The following MYCBP2 variants were observed in gnomAD, a reference collection of about 807,000 sequenced individuals.
MYCBP2 encodes MYC binding protein 2.
Under a neutral mutation model 525.3 loss-of-function variants are expected in MYCBP2, and 120 were observed. That is an observed-to-expected ratio of 0.23 (90% CI 0.20 to 0.27). The LOEUF is 0.27. MYCBP2 is among the 10% of genes least tolerant of loss of function. The pLI is 1.00. For missense variants in MYCBP2, 4,149 were observed against 5,657.1 expected (o/e 0.73, Z 8.55); for synonymous variants, 1,894 against 1,955.8 (o/e 0.97, Z 0.83).
intron 75 of MYCBP2, 112 bp from the exon 76 acceptor site, chr13:77,061,413 G>GTA: frequency 2.0e-6 from 2 of 996,702 alleles, no homozygotes; most frequent in Non-Finnish European, 1.4e-6. Flanking sequence ...AGCACTCTAA[G>GTA]AAGTTTTGAA....
At chr13:77,253,526 A>C (rs1247494554) in intron 14 of MYCBP2, among the ~76,000 whole-genome samples, 2 of 151,968 alleles carry the variant, frequency 1.3e-5, no homozygotes, top group Non-Finnish European at 2.9e-5. Context: ...TTCATACTGC[A>C]TGATTTCACT....
At chr13:77,087,710 A>G (rs1453738499) in intron 61 of MYCBP2, 77 bp from the exon 62 acceptor site, 2 of 1,236,492 alleles carry the variant, frequency 1.6e-6, no homozygotes, top group Admixed American at 4.5e-5. Context: ...AAGTACCTCC[A>G]TGGATTAAGA....
intron 55 of MYCBP2, among the ~76,000 whole-genome samples, chr13:77,115,582 G>A (rs943362782): frequency 6.6e-6 from 1 of 151,252 alleles, no homozygotes; most frequent in African/African-American, 2.4e-5. Flanking sequence ...CTATTTTATG[G>A]AATAAAATGT....
chr13:77,076,426 A>G (rs1191935505), intron 68 of MYCBP2, among the ~76,000 whole-genome samples: 1 of 152,230 alleles, frequency 6.6e-6, no homozygotes, highest in Non-Finnish European at 1.5e-5. Flanking sequence ...TTTCATGAAG[A>G]AGACAGTACT....
intron 18 of MYCBP2, among the ~76,000 whole-genome samples, chr13:77,228,758 T>C (rs1227825999): frequency 6.6e-6 from 1 of 151,516 alleles, no homozygotes; most frequent in African/African-American, 2.4e-5. Context: ...CTACAGTAGC[T>C]ACAAAGCCTT....
At chr13:77,084,796 G>T (rs2043936999) in intron 62 of MYCBP2, among the ~76,000 whole-genome samples, 1 of 151,998 alleles carries the variant, frequency 6.6e-6, no homozygotes, top group Non-Finnish European at 1.5e-5. Flanking sequence ...GTCTAAGAGT[G>T]GCCAGGACCC....
At chr13:77,243,695 T>C (rs900246990) in intron 16 of MYCBP2, 111 bp downstream of exon 16, 11 of 927,908 alleles carry the variant, frequency 1.2e-5, no homozygotes, top group Non-Finnish European at 1.7e-5. Context: ...ATTGCATACA[T>C]TAATTATTAT....
chr13:77,189,409 G>A (rs746807911), intron 29 of MYCBP2, among the ~76,000 whole-genome samples: 10 of 152,042 alleles, frequency 6.6e-5, no homozygotes, highest in Non-Finnish European at 1.2e-4. Context: ...AATGCAACAC[G>A]TTATGTTTGT....
At position 77,233,594 on chromosome 13, in the gene MYCBP2, T is replaced by A. The variant is rs2067445273; in HGVS notation, c.2630-331A>T. On this transcript the variant is annotated intron_variant, in intron 17 of 82. Transcript: ENST00000544440. ...TCAAATTATCTTACAAATACTTTTT[T>A]AATATCATATATATTCAAAGTCAGT... Among the ~76,000 whole-genome samples, 4 of 152,228 alleles carry A rather than the reference T, an allele frequency of 2.6e-5. No homozygotes were observed. In the South Asian group the frequency reaches 8.3e-4, roughly 32 times the overall value.
rs1365026927 is a variant in MYCBP2, at chr13:77,067,688, T to C, written c.12348A>G (p.Ala4116=). ...CTTTGGCTTTTAGCTGTACAGTGAG[T>C]GCTTTGGCAATGCATCCTAGAAACA... ...LDMFLGCIAK[A]LTVQLKAKGT... is the part of the protein sequence containing the mutation. Residue 4116 remains alanine, a synonymous_variant, in exon 71 of 83, where the codon GCA becomes GCG. Transcript: ENST00000544440. 6.2e-7 allele frequency: 1 copy of C among 1,614,016 alleles called. No homozygotes were observed. The highest frequency in any genetic ancestry group is 8.5e-7 in the Non-Finnish European group (1 of 1,180,032).
At chr13:77,228,357 A>C (rs2066609405) in intron 18 of MYCBP2, among the ~76,000 whole-genome samples, 2 of 151,832 alleles carry the variant, frequency 1.3e-5, no homozygotes, top group South Asian at 2.1e-4. Context: ...AATACAAAAA[A>C]CTAGCTGGGT....
intron 18 of MYCBP2, among the ~76,000 whole-genome samples, chr13:77,229,592 G>T (rs936245529): frequency 1.3e-5 from 2 of 152,060 alleles, no homozygotes; most frequent in Non-Finnish European, 2.9e-5. Context: ...ATTCATGGAG[G>T]ATTTATATGT....
At chr13:77,239,371 A>C (rs962970061) in intron 17 of MYCBP2, among the ~76,000 whole-genome samples, 1 of 152,194 alleles carries the variant, frequency 6.6e-6, no homozygotes, top group Non-Finnish European at 1.5e-5. Context: ...CAGCCGGAAC[A>C]CTAACATTTT....
rs143702848 is a variant in MYCBP2, at chr13:77,054,896, C to T, written c.13647+662G>A. Among the ~76,000 whole-genome samples the T allele has an allele frequency of 3.5e-3, 539 of 152,044 alleles. 5 individuals carry two copies. The highest frequency in any genetic ancestry group is 0.012 in the African/African-American group (518 of 41,460). On this transcript the variant is annotated intron_variant, in intron 80 of 82. Transcript: ENST00000544440. ...GATTACAGGTGTGAGCCACTGTGCCCGGCCAAGATTGATGAATATAATACC... is the reference window on the plus strand; with the variant it reads ...GATTACAGGTGTGAGCCACTGTGCCTGGCCAAGATTGATGAATATAATACC...
In MYCBP2 at chr13:77,180,256, A is replaced by G; in HGVS notation, c.5004T>C (p.Ile1668=). 6.2e-7 allele frequency: 1 copy of G among 1,614,164 alleles called. No homozygotes were observed. Among genetic ancestry groups the G allele is most frequent in the Non-Finnish European group, 8.5e-7 (1 of 1,180,012 alleles). ...GGCTGTTCCTGACTGGTAGCACAAC[A>G]ATGACCAGCATTTTCTCCAGAACTT... ...FREVLEKMLV[I]VVLPVRNSLR... The change falls in exon 34 of 83, where the codon ATT becomes ATC. Residue 1668 remains isoleucine (I), a synonymous_variant. Coordinates refer to ENST00000544440, the MANE Select transcript of MYCBP2 (RefSeq NM_015057.5).
intron 52 of MYCBP2, 25 bp downstream of exon 52, chr13:77,139,170 GC>G (rs1437989856): frequency 1.2e-6 from 2 of 1,607,988 alleles, no homozygotes; most frequent in Non-Finnish European, 1.7e-6. Flanking sequence ...TATCTATAAT[GC>G]TTTTTAAAAC....
At chr13:77,188,073 C>CAAA (rs745537934) in intron 30 of MYCBP2, among the ~76,000 whole-genome samples, 7 of 53,186 alleles carry the variant, frequency 1.3e-4, no homozygotes, top group Admixed American at 6.0e-4. Flanking sequence ...TCTGCCTCAC[C>CAAA]AAAAAAAAAA....
chr13:77,261,767 G>GA (rs2073327659), intron 11 of MYCBP2, among the ~76,000 whole-genome samples: 1 of 151,952 alleles, frequency 6.6e-6, no homozygotes, highest in Non-Finnish European at 1.5e-5. Flanking sequence ...CAGGCGGTTA[G>GA]AAAAATGATG....
chr13:77,172,281 T>C (rs1024187048), intron 37 of MYCBP2, among the ~76,000 whole-genome samples: 1 of 151,756 alleles, frequency 6.6e-6, no homozygotes, highest in Non-Finnish European at 1.5e-5. Context: ...ACTGGTGAAT[T>C]AAAGGAACAG....
Sources: allele counts gnomAD v4.1 joint callset (sites outside exome capture counted in the v4.1 genomes callset), GRCh38; gene constraint gnomAD v4.1.1; transcripts MANE v1.5; gene names NCBI Gene and HGNC (gene_info 2026-07-23, HGNC 2026-07-21).